The following ANO10 variants were observed in gnomAD, a reference collection of about 807,000 sequenced individuals.
The protein encoded by ANO10 is anoctamin-10.
ANO10 carries 77 observed loss-of-function variants against 74.7 expected under a neutral mutation model. The ratio of observed to expected loss-of-function variants is 1.03; its 90% CI spans 0.86 to 1.25. ANO10 has a LOEUF of 1.25. Ranked by LOEUF, ANO10 falls within the 50% of genes most tolerant of loss-of-function variation. The pLI, the probability that ANO10 is intolerant of heterozygous loss-of-function variation, is 0.00. For synonymous variants in ANO10, 279 were observed against 284.9 expected (o/e 0.98, Z 0.21); for missense variants, 721 against 778.1 (o/e 0.93, Z 0.87).
At chr3:43,643,036 C>CT (rs537354306) in intron 1 of ANO10, among the ~76,000 whole-genome samples, 7,160 of 142,748 alleles carry the variant, frequency 0.05, 543 homozygotes, top group African/African-American at 0.16. Flanking sequence ...TTTCTTTTTT[C>CT]TTTTTTTTTT....
intron 12 of ANO10, among the ~76,000 whole-genome samples, chr3:43,396,082 T>A (rs575164656): frequency 6.6e-6 from 1 of 151,814 alleles, no homozygotes; most frequent in East Asian, 1.9e-4. Flanking sequence ...ATTTATTTTT[T>A]TTTTTTGCTT....
chr3:43,378,712 C>A (rs2091880509), intron 12 of ANO10, among the ~76,000 whole-genome samples: 1 of 152,124 alleles, frequency 6.6e-6, no homozygotes, highest in Non-Finnish European at 1.5e-5. Context: ...AGGGCTACCC[C>A]TGGGTGATGA....
At chr3:43,391,804 C>T (rs2092280540) in intron 12 of ANO10, among the ~76,000 whole-genome samples, 1 of 152,200 alleles carries the variant, frequency 6.6e-6, no homozygotes, top group Non-Finnish European at 1.5e-5. Flanking sequence ...CCTGCAGCCT[C>T]AGCCATCACC....
chr3:43,631,225 C>T (rs1393735457), intron 1 of ANO10, among the ~76,000 whole-genome samples: 1 of 152,196 alleles, frequency 6.6e-6, no homozygotes, highest in Non-Finnish European at 1.5e-5. Flanking sequence ...GCTTTGTGAC[C>T]TTCTCCCACA....
intron 1 of ANO10, among the ~76,000 whole-genome samples, chr3:43,678,764 T>C (rs2084155857): frequency 6.6e-6 from 1 of 152,218 alleles, no homozygotes; most frequent in African/African-American, 2.4e-5. Context: ...ACTCCTACAG[T>C]AAAGTCATAA....
At chr3:43,513,250 A>G (rs1204757921) in intron 11 of ANO10, among the ~76,000 whole-genome samples, 1 of 152,208 alleles carries the variant, frequency 6.6e-6, no homozygotes, top group Non-Finnish European at 1.5e-5. Context: ...CAGGGTCACC[A>G]GAGAGAGTGT....
intron 11 of ANO10, among the ~76,000 whole-genome samples, chr3:43,455,047 G>A (rs1442027565): frequency 6.6e-6 from 1 of 152,174 alleles, no homozygotes; most frequent in Non-Finnish European, 1.5e-5. Flanking sequence ...GGGCGCAGAT[G>A]TGGGCCATCT....
chr3:43,486,108 T>A (rs2149100851), intron 11 of ANO10, among the ~76,000 whole-genome samples: 1 of 152,324 alleles, frequency 6.6e-6, no homozygotes, highest in South Asian at 2.1e-4. Flanking sequence ...GGGCTTCCCT[T>A]TCTAGGCCTT....
At chr3:43,663,029 C>A (rs2083944776) in intron 1 of ANO10, among the ~76,000 whole-genome samples, 1 of 152,188 alleles carries the variant, frequency 6.6e-6, no homozygotes, top group Non-Finnish European at 1.5e-5. Context: ...GGAATCCTCC[C>A]TAACTCATTT....
At chr3:43,416,849 A>G (rs1223167330) in intron 12 of ANO10, among the ~76,000 whole-genome samples, 1 of 152,198 alleles carries the variant, frequency 6.6e-6, no homozygotes, top group African/African-American at 2.4e-5. Flanking sequence ...AGGCAAGTCC[A>G]TTTGATCAAT....
chr3:43,472,360 T>C (rs1280309357), intron 11 of ANO10: 3 of 104,048 alleles, frequency 2.9e-5, no homozygotes, highest in Admixed American at 8.9e-5. Context: ...GTATGACTTT[T>C]CCTGTATGTA....
chr3:43,512,734 A>C (rs2077557219), intron 11 of ANO10, among the ~76,000 whole-genome samples: 1 of 152,218 alleles, frequency 6.6e-6, no homozygotes, highest in African/African-American at 2.4e-5. Context: ...TATTAGAAAT[A>C]TCCTAACAGA....
chr3:43,604,503 TC>T (rs1339740814), intron 2 of ANO10, among the ~76,000 whole-genome samples: 3 of 151,332 alleles, frequency 2.0e-5, no homozygotes, highest in Admixed American at 6.6e-5. Flanking sequence ...TCTTGTATCT[TC>T]TTTTTTTTTT....
chr3:43,458,639 ACTT>A (rs2075245598), intron 11 of ANO10, among the ~76,000 whole-genome samples: 1 of 152,132 alleles, frequency 6.6e-6, no homozygotes. Context: ...GCTTAAACCG[ACTT>A]CTTTTTTCTC....
intron 1 of ANO10, among the ~76,000 whole-genome samples, chr3:43,646,649 G>T (rs571222094): frequency 6.6e-6 from 1 of 152,030 alleles, no homozygotes; most frequent in Non-Finnish European, 1.5e-5. Flanking sequence ...GGGATTACAC[G>T]TGCCTGCCAC....
chr3:43,458,969 G>A (rs547364545), intron 11 of ANO10, among the ~76,000 whole-genome samples: 17 of 152,054 alleles, frequency 1.1e-4, no homozygotes, highest in Admixed American at 2.6e-4. Flanking sequence ...TTTCTTATAC[G>A]CCACGAGCTT....
At chr3:43,376,711 T>C (rs1296603483) in intron 12 of ANO10, among the ~76,000 whole-genome samples, 26 of 152,224 alleles carry the variant, frequency 1.7e-4, no homozygotes, top group Admixed American at 1.7e-3. Context: ...AAAAATAACA[T>C]GTAATCAGTT....
At chr3:43,609,255 T>C (rs899827061) in intron 1 of ANO10, among the ~76,000 whole-genome samples, 2 of 152,208 alleles carry the variant, frequency 1.3e-5, no homozygotes, top group African/African-American at 4.8e-5. Flanking sequence ...GTATGTTTTT[T>C]CCTACTAAAT....
At chr3:43,628,968 C>G (rs1160695769) in intron 1 of ANO10, among the ~76,000 whole-genome samples, 3 of 152,350 alleles carry the variant, frequency 2.0e-5, no homozygotes, top group Admixed American at 6.5e-5. Context: ...TTTGCCTTGT[C>G]ATATTCTATT....
Sources: gnomAD v4.1 joint callset for allele counts (sites outside exome capture counted in the v4.1 genomes callset) on GRCh38, gnomAD v4.1.1 for gene constraint, MANE v1.5 for transcripts, NCBI Gene and HGNC (gene_info 2026-07-23, HGNC 2026-07-21) for gene names.